The following ZRANB3 variants were observed in gnomAD, a reference collection of about 807,000 sequenced individuals.
The protein encoded by ZRANB3 is DNA annealing helicase and endonuclease ZRANB3.
In ZRANB3, 125 loss-of-function variants were observed where a neutral mutation model predicts 133.8. The ratio of observed to expected loss-of-function variants is 0.93; its 90% CI spans 0.81 to 1.08. ZRANB3 has a LOEUF of 1.08. ZRANB3 is among the 50% of genes least tolerant of loss of function. The pLI, the probability that ZRANB3 is intolerant of heterozygous loss-of-function variation, is 0.00. For missense variants in ZRANB3, 1,229 were observed against 1,275.5 expected (o/e 0.96, Z 0.56); for synonymous variants, 387 against 432.7 (o/e 0.89, Z 1.31).
intron 2 of ZRANB3, among the ~76,000 whole-genome samples, chr2:135,486,982 C>T (rs939214859): frequency 3.9e-5 from 6 of 152,176 alleles, no homozygotes; most frequent in African/African-American, 1.4e-4. Flanking sequence ...CTGCCCAGTT[C>T]CATCAGAGGA....
intron 2 of ZRANB3, among the ~76,000 whole-genome samples, chr2:135,443,004 T>G (rs1305179436): frequency 6.6e-6 from 1 of 151,510 alleles, no homozygotes; most frequent in Admixed American, 6.6e-5. Flanking sequence ...TAGTCCCAGC[T>G]ACTTGGGAGG....
chr2:135,509,707 A>G (rs929645548), intron 1 of ZRANB3, among the ~76,000 whole-genome samples: 15 of 152,198 alleles, frequency 9.9e-5, no homozygotes, highest in African/African-American at 3.1e-4. Flanking sequence ...AGAAAAGCCC[A>G]TCCAGTTGCA....
At chr2:135,400,825 T>C (rs1687700714) in intron 2 of ZRANB3, among the ~76,000 whole-genome samples, 1 of 152,230 alleles carries the variant, frequency 6.6e-6, no homozygotes, top group African/African-American at 2.4e-5. Flanking sequence ...AGCAGGGTTG[T>C]GTTCCAAAAA....
At chr2:135,390,639 C>T (rs1687183139) in intron 3 of ZRANB3, among the ~76,000 whole-genome samples, 163 bp downstream of exon 3, 1 of 151,896 alleles carries the variant, frequency 6.6e-6, no homozygotes, top group Non-Finnish European at 1.5e-5. Context: ...CATTCATTCT[C>T]ATTCTCTCTC....
At chr2:135,263,395 C>T (rs533740645) in intron 12 of ZRANB3, among the ~76,000 whole-genome samples, 1 of 152,168 alleles carries the variant, frequency 6.6e-6, no homozygotes, top group South Asian at 2.1e-4. Flanking sequence ...TAAAAAATGA[C>T]GCAGTAAAGA....
intron 1 of ZRANB3, among the ~76,000 whole-genome samples, chr2:135,514,423 C>T (rs972704259): frequency 6.6e-6 from 1 of 152,144 alleles, no homozygotes; most frequent in Admixed American, 6.6e-5. Flanking sequence ...AGAGTTCATA[C>T]ATGTTTTGGC....
intron 2 of ZRANB3, among the ~76,000 whole-genome samples, chr2:135,416,065 G>T (rs371021947): frequency 2.2e-4 from 34 of 151,952 alleles, no homozygotes; most frequent in African/African-American, 5.3e-4. Flanking sequence ...GGATGCCCTC[G>T]CTCATCACTC....
intron 2 of ZRANB3, among the ~76,000 whole-genome samples, chr2:135,485,185 A>AACATAACATAACATAACAT (rs60574406): frequency 9.0e-5 from 11 of 121,704 alleles, no homozygotes; most frequent in East Asian, 7.4e-4. Context: ...AAACAAAACA[A>AACATAACATAACATAACAT]AACATAACAT....
At chr2:135,497,416 A>G (rs550821368) in intron 2 of ZRANB3, among the ~76,000 whole-genome samples, 1 of 152,338 alleles carries the variant, frequency 6.6e-6, no homozygotes, top group East Asian at 1.9e-4. Flanking sequence ...AAAACAAAGA[A>G]TCTACAACTG....
At chr2:135,480,456 G>T (rs1457558997) in intron 2 of ZRANB3, among the ~76,000 whole-genome samples, 1 of 152,102 alleles carries the variant, frequency 6.6e-6, no homozygotes, top group African/African-American at 2.4e-5. Flanking sequence ...AATGGGTAAT[G>T]TAACAGAAAA....
chr2:135,245,379 CTT>C (rs559480488), intron 12 of ZRANB3, among the ~76,000 whole-genome samples: 71 of 152,274 alleles, frequency 4.7e-4, no homozygotes, highest in African/African-American at 1.6e-3. Context: ...GAGAAAATCT[CTT>C]TGATATATTC....
intron 8 of ZRANB3, among the ~76,000 whole-genome samples, chr2:135,302,244 T>G (rs557926886): frequency 6.6e-6 from 1 of 152,178 alleles, no homozygotes; most frequent in Non-Finnish European, 1.5e-5. Flanking sequence ...GGTCATAGCT[T>G]GAATTAATTA....
chr2:135,225,540 T>A (rs959195594), intron 14 of ZRANB3, among the ~76,000 whole-genome samples: 1 of 152,256 alleles, frequency 6.6e-6, no homozygotes, highest in African/African-American at 2.4e-5. Flanking sequence ...TTGCTGGCCA[T>A]GTGGCAGTTG....
chr2:135,345,774 T>C, intron 5 of ZRANB3, 139 bp from the exon 6 acceptor site: 2 of 613,484 alleles, frequency 3.3e-6, no homozygotes, highest in East Asian at 5.6e-5. Context: ...CTCACTACTA[T>C]TCATCAGGGA....
At chr2:135,459,505 A>C (rs1392262181) in intron 2 of ZRANB3, among the ~76,000 whole-genome samples, 2 of 152,232 alleles carry the variant, frequency 1.3e-5, no homozygotes, top group Non-Finnish European at 2.9e-5. Context: ...CTGTCAAAGA[A>C]AGACCCTAAC....
At chr2:135,419,247 T>C (rs1688731292) in intron 2 of ZRANB3, among the ~76,000 whole-genome samples, 5 of 152,036 alleles carry the variant, frequency 3.3e-5, no homozygotes, top group African/African-American at 7.2e-5. Flanking sequence ...TTTTTTTTTC[T>C]TATTTTCAAC....
chr2:135,219,347 T>C (rs1183966859), intron 15 of ZRANB3, among the ~76,000 whole-genome samples, 169 bp from the exon 16 acceptor site: 1 of 152,228 alleles, frequency 6.6e-6, no homozygotes, highest in Non-Finnish European at 1.5e-5. Flanking sequence ...CTGGAGAAAC[T>C]GTGAGCCAAG....
chr2:135,474,085 G>C (rs1482685545), intron 2 of ZRANB3, among the ~76,000 whole-genome samples: 2 of 151,956 alleles, frequency 1.3e-5, no homozygotes, highest in African/African-American at 4.8e-5. Context: ...CAGCTACTTG[G>C]GAGGCTGAGG....
intron 12 of ZRANB3, among the ~76,000 whole-genome samples, chr2:135,259,380 C>A (rs1679829789): frequency 6.6e-6 from 1 of 151,914 alleles, no homozygotes; most frequent in Non-Finnish European, 1.5e-5. Flanking sequence ...TACATACAAT[C>A]TTTTGCAGCA....
Sources: allele counts gnomAD v4.1 joint callset (sites outside exome capture counted in the v4.1 genomes callset), GRCh38; gene constraint gnomAD v4.1.1; transcripts MANE v1.5; gene names NCBI Gene and HGNC (gene_info 2026-07-23, HGNC 2026-07-21).